Variants in TMEM178B observed in about 807,000 individuals in gnomAD.
The protein encoded by TMEM178B is transmembrane protein 178B.
Under a neutral mutation model 31.0 loss-of-function variants are expected in TMEM178B, and 5 were observed. That is an observed-to-expected ratio of 0.16 (90% CI 0.08 to 0.34). The LOEUF (loss-of-function observed/expected upper bound fraction) is 0.34. Among genes scored for constraint, TMEM178B ranks in the 10% least tolerant of loss-of-function variants. The probability of loss-of-function intolerance (pLI) is 1.00; values close to 1 mark genes in which losing one functional copy is unlikely to be tolerated. For synonymous variants in TMEM178B, 164 were observed against 164.0 expected (o/e 1.00, Z 0.00); for missense variants, 275 against 400.3 (o/e 0.69, Z 2.67).
chr7:141,468,386 T>C (rs1271842565), intron 3 of TMEM178B, among the ~76,000 whole-genome samples: 1 of 152,090 alleles, frequency 6.6e-6, no homozygotes, highest in African/African-American at 2.4e-5. Context: ...GGAACCTAGG[T>C]GTGAAACAAG....
At chr7:141,381,531 C>T (rs189727367) in intron 2 of TMEM178B, among the ~76,000 whole-genome samples, 12 of 152,262 alleles carry the variant, frequency 7.9e-5, no homozygotes, top group Non-Finnish European at 1.2e-4. Flanking sequence ...TTTCAAAAGT[C>T]GAGTCCTATT....
chr7:141,089,461 A>G (rs1215000443), intron 1 of TMEM178B, among the ~76,000 whole-genome samples: 1 of 152,230 alleles, frequency 6.6e-6, no homozygotes, highest in African/African-American at 2.4e-5. Context: ...GCGATTCCTC[A>G]TGGATCTAGA....
chr7:141,228,878 C>T (rs1438916112), intron 2 of TMEM178B, among the ~76,000 whole-genome samples: 2 of 152,148 alleles, frequency 1.3e-5, no homozygotes, highest in Non-Finnish European at 2.9e-5. Flanking sequence ...TTATAGTTCA[C>T]TGAGTGAAAG....
chr7:141,310,019 G>T (rs1221087870), intron 2 of TMEM178B, among the ~76,000 whole-genome samples: 1 of 152,078 alleles, frequency 6.6e-6, no homozygotes, highest in Non-Finnish European at 1.5e-5. Flanking sequence ...CAGGCTATAG[G>T]CATGGGCAAA....
intron 2 of TMEM178B, among the ~76,000 whole-genome samples, chr7:141,294,776 A>G (rs572335511): frequency 6.6e-6 from 1 of 152,300 alleles, no homozygotes; most frequent in African/African-American, 2.4e-5. Context: ...CATCCTGAAC[A>G]TTATTCACTT....
chr7:141,116,748 C>T (rs1346802726), intron 1 of TMEM178B, among the ~76,000 whole-genome samples: 5 of 152,144 alleles, frequency 3.3e-5, no homozygotes, highest in Admixed American at 2.6e-4. Context: ...CTCCTACTTA[C>T]GAGTGAGAGC....
At chr7:141,292,716 C>T (rs944014009) in intron 2 of TMEM178B, among the ~76,000 whole-genome samples, 1 of 146,090 alleles carries the variant, frequency 6.8e-6, no homozygotes, top group Non-Finnish European at 1.5e-5. Flanking sequence ...CGGCTCACTG[C>T]AACCTCCGCC....
At chr7:141,100,617 G>A (rs1261143576) in intron 1 of TMEM178B, among the ~76,000 whole-genome samples, 2 of 152,024 alleles carry the variant, frequency 1.3e-5, no homozygotes, top group East Asian at 1.9e-4. Flanking sequence ...AAATAGAAAG[G>A]CATGCTTCAT....
At chr7:141,268,376 G>A (rs2116374039) in intron 2 of TMEM178B, among the ~76,000 whole-genome samples, 1 of 152,312 alleles carries the variant, frequency 6.6e-6, no homozygotes, top group Admixed American at 6.5e-5. Context: ...TTTACAAATG[G>A]ATAACTTGTT....
At chr7:141,093,206 A>G (rs1794906960) in intron 1 of TMEM178B, among the ~76,000 whole-genome samples, 1 of 152,196 alleles carries the variant, frequency 6.6e-6, no homozygotes, top group Admixed American at 6.5e-5. Flanking sequence ...AAAGATGGTG[A>G]CTAGAACCAG....
chr7:141,386,989 G>A (rs1800443080), intron 2 of TMEM178B, among the ~76,000 whole-genome samples: 1 of 152,152 alleles, frequency 6.6e-6, no homozygotes, highest in Admixed American at 6.5e-5. Flanking sequence ...ATTCTAGCTT[G>A]AGTCAGAATC....
chr7:141,440,266 A>G (rs1801633128), intron 3 of TMEM178B, among the ~76,000 whole-genome samples: 1 of 152,178 alleles, frequency 6.6e-6, no homozygotes, highest in Admixed American at 6.5e-5. Context: ...TATAGGGTGA[A>G]TGAGTGAGAG....
At chr7:141,430,482 C>T (rs2116668237) in intron 2 of TMEM178B, among the ~76,000 whole-genome samples, 1 of 152,282 alleles carries the variant, frequency 6.6e-6, no homozygotes, top group South Asian at 2.1e-4. Context: ...TTGTCATAAC[C>T]TTCATTTACA....
At chr7:141,498,821 GTGGA>G in the TMEM178B span, among the ~76,000 whole-genome samples, 1 of 152,156 alleles carries the variant, frequency 6.6e-6, no homozygotes, top group South Asian at 2.1e-4. Flanking sequence ...AACTTTATCT[GTGGA>G]TGTTTAAAGA....
intron 1 of TMEM178B, among the ~76,000 whole-genome samples, chr7:141,092,395 G>A (rs999699886): frequency 1.3e-5 from 2 of 152,104 alleles, no homozygotes; most frequent in African/African-American, 2.4e-5. Context: ...TTGAAGGCTG[G>A]GGACACTTAC....
chr7:141,298,479 A>G (rs1798672375), intron 2 of TMEM178B, among the ~76,000 whole-genome samples: 1 of 152,218 alleles, frequency 6.6e-6, no homozygotes, highest in Admixed American at 6.5e-5. Flanking sequence ...GTGAACTCCA[A>G]TAGAGTAGCT....
chr7:141,397,723 T>C (rs2116614423), intron 2 of TMEM178B, among the ~76,000 whole-genome samples: 1 of 152,338 alleles, frequency 6.6e-6, no homozygotes, highest in East Asian at 1.9e-4. Context: ...ATTATTTCTC[T>C]CTATTGGCTA....
chr7:141,442,868 A>C (rs544974485), intron 3 of TMEM178B, among the ~76,000 whole-genome samples: 1 of 152,364 alleles, frequency 6.6e-6, no homozygotes, highest in East Asian at 1.9e-4. Flanking sequence ...TTCATAGATT[A>C]CATGGTTCAG....
At chr7:141,087,009 C>CAA (rs148165409) in intron 1 of TMEM178B, among the ~76,000 whole-genome samples, 1 of 148,746 alleles carries the variant, frequency 6.7e-6, no homozygotes, top group East Asian at 2.0e-4. Context: ...TTTTTAAAAA[C>CAA]AAAAAAAAAC....
Sources: allele counts gnomAD v4.1 joint callset (sites outside exome capture counted in the v4.1 genomes callset), GRCh38; gene constraint gnomAD v4.1.1; transcripts MANE v1.5; gene names NCBI Gene and HGNC (gene_info 2026-07-23, HGNC 2026-07-21).